OSBPL10: variants seen among roughly 807,000 people sequenced by gnomAD.
The protein encoded by OSBPL10 is oxysterol-binding protein-related protein 10.
A neutral mutation model predicts 81.7 loss-of-function variants in OSBPL10; 49 were observed. The ratio of observed to expected loss-of-function variants is 0.60; its 90% CI spans 0.48 to 0.76. OSBPL10 has a LOEUF of 0.76. Ranked by LOEUF, OSBPL10 falls within the 30% of genes least tolerant of loss-of-function variation. The pLI, the probability that OSBPL10 is intolerant of heterozygous loss-of-function variation, is 0.00. For missense variants in OSBPL10, 923 were observed against 987.8 expected (o/e 0.93, Z 0.88); for synonymous variants, 419 against 383.6 (o/e 1.09, Z -1.08).
At chr3:31,675,883 T>G (rs981954989) in intron 8 of OSBPL10, among the ~76,000 whole-genome samples, 1 of 149,568 alleles carries the variant, frequency 6.7e-6, no homozygotes, top group African/African-American at 2.5e-5. Flanking sequence ...GAGGCGGAGC[T>G]TGCAGTGAGC....
chr3:31,962,594 T>C (rs551389335), intron 1 of OSBPL10, among the ~76,000 whole-genome samples: 33 of 152,200 alleles, frequency 2.2e-4, no homozygotes, highest in African/African-American at 7.7e-4. Flanking sequence ...GTGCCATAAA[T>C]ACTCTGCCTG....
In OSBPL10 at chr3:31,980,685, G is replaced by C. The variant is rs562945133; in HGVS notation, c.281+214C>G. On this transcript the variant is annotated intron_variant, in intron 1 of 11. Transcript: ENST00000396556. ...GCCTCCCTCCCCGCCACTGCGGTGC[G>C]GTCCCGGGGTGGAGCCACGGCGCGC... Among the ~76,000 whole-genome samples the C allele has an allele frequency of 3.9e-4, 60 of 152,304 alleles. 2 individuals are homozygous for C. The highest frequency in any genetic ancestry group is 1.4e-3 in the African/African-American group (58 of 41,580).
chr3:31,973,439 G>C (rs1335570752), intron 1 of OSBPL10, among the ~76,000 whole-genome samples: 1 of 152,184 alleles, frequency 6.6e-6, no homozygotes, highest in Non-Finnish European at 1.5e-5. Flanking sequence ...TTCTGCTGAG[G>C]ACCTACTGTG....
rs60893746 is a variant in OSBPL10 at position 31,838,508 on chromosome 3, C to CAA, written c.538-8279_538-8278dup. Among the ~76,000 whole-genome samples the CAA allele has an allele frequency of 3.0e-4, 29 of 95,706 alleles. 1 individual carries two copies. Among genetic ancestry groups the CAA allele is most frequent in the Non-Finnish European group, 4.0e-4 (20 of 49,812 alleles). 62.8% of individuals were successfully genotyped at this position (95,706 alleles called of 152,430 possible). A position where few individuals can be genotyped will look rare whatever the true frequency, so the allele number is the denominator to read the frequency against. On this transcript the variant is annotated intron_variant, in intron 3 of 11. Coordinates refer to ENST00000396556, the MANE Select transcript of OSBPL10 (RefSeq NM_017784.5). ...CCTGGGCGACAGAGCAAGACTCTGTCAAAAAAAAAAAAAAAAAAAAAAAAA... is the reference window on the plus strand; with the variant it reads ...CCTGGGCGACAGAGCAAGACTCTGTCAAAAAAAAAAAAAAAAAAAAAAAAAAA...
chr3:32,026,069 A>AGATAGAT (rs1553649798), intron 2 of OSBPL10, among the ~76,000 whole-genome samples: 17 of 101,376 alleles, frequency 1.7e-4, no homozygotes, highest in African/African-American at 5.1e-4. Flanking sequence ...ATAGATAGAT[A>AGATAGAT]GATAGATAGA....
At chr3:31,831,714 G>A (rs1700246102) in intron 3 of OSBPL10, among the ~76,000 whole-genome samples, 1 of 152,070 alleles carries the variant, frequency 6.6e-6, no homozygotes, top group Admixed American at 6.5e-5. Flanking sequence ...CATCAGATTG[G>A]CAAAAATTCA....
At chr3:31,752,029 G>A (rs1697739336) in intron 4 of OSBPL10, among the ~76,000 whole-genome samples, 1 of 152,064 alleles carries the variant, frequency 6.6e-6, no homozygotes, top group South Asian at 2.1e-4. Flanking sequence ...TTAATTAAGG[G>A]CACATGTGAG....
In OSBPL10 at chr3:31,902,287, G is replaced by A. The variant is rs1175292994; in HGVS notation, c.282-22457C>T. The stretch of plus-strand genomic sequence containing the variant: ...TTTTTTTTTTTTTTTTTTGGAGACG[G>A]AGTCCCACTCTGTCGCCCAGGCTGA... On this transcript the variant is annotated intron_variant, in intron 1 of 11. Coordinates refer to ENST00000396556, the MANE Select transcript of OSBPL10 (RefSeq NM_017784.5). Among the ~76,000 whole-genome samples, 3 of 141,664 alleles carry A rather than the reference G, an allele frequency of 2.1e-5. No homozygotes were observed. The Admixed American group carries it at 2.2e-4, about 10-fold the overall frequency. The allele number at this position is 141,664 out of a possible 152,430, so 92.9% of individuals were successfully genotyped here. A position where few individuals can be genotyped will look rare whatever the true frequency, so the allele number is the denominator to read the frequency against.
chr3:31,881,409 C>T (rs1408020893), intron 1 of OSBPL10, among the ~76,000 whole-genome samples: 13 of 152,156 alleles, frequency 8.5e-5, no homozygotes, highest in African/African-American at 2.2e-4. Flanking sequence ...GGATACATGG[C>T]GAGACTCAAC....
intron 4 of OSBPL10, among the ~76,000 whole-genome samples, chr3:31,779,762 C>T (rs2125766638): frequency 6.6e-6 from 1 of 152,268 alleles, no homozygotes. Context: ...TTCTTTTCAT[C>T]AGCACTTGGA....
intron 1 of OSBPL10, among the ~76,000 whole-genome samples, chr3:31,966,311 G>A (rs900609900): frequency 4.6e-5 from 7 of 151,246 alleles, no homozygotes; most frequent in Admixed American, 3.3e-4. Context: ...TGCAACTAAA[G>A]CAATGGTTAG....
chr3:31,752,574 C>T (rs1697753483), intron 4 of OSBPL10, among the ~76,000 whole-genome samples: 1 of 152,110 alleles, frequency 6.6e-6, no homozygotes, highest in Non-Finnish European at 1.5e-5. Context: ...AAAATCAAAT[C>T]ATAGGAGTTA....
upstream of OSBPL10, among the ~76,000 whole-genome samples, chr3:31,985,728 G>A (rs1035777934): frequency 1.3e-5 from 2 of 152,202 alleles, no homozygotes; most frequent in Non-Finnish European, 2.9e-5. Flanking sequence ...TCATGTCTGT[G>A]TTAGAAACAT....
intron 5 of OSBPL10, among the ~76,000 whole-genome samples, chr3:31,743,563 C>T (rs1697425094): frequency 6.6e-6 from 1 of 152,028 alleles, no homozygotes; most frequent in African/African-American, 2.4e-5. Context: ...GAGACAAAGG[C>T]TCCAAAGCAA....
chr3:31,848,393 A>T (rs1407554851), intron 3 of OSBPL10, among the ~76,000 whole-genome samples: 1 of 151,866 alleles, frequency 6.6e-6, no homozygotes, highest in African/African-American at 2.4e-5. Flanking sequence ...GTCACGGTGG[A>T]AAATGTTTTG....
intron 2 of OSBPL10, among the ~76,000 whole-genome samples, chr3:32,009,369 G>T (rs1699232135): frequency 6.6e-6 from 1 of 152,204 alleles, no homozygotes. Flanking sequence ...TCACGCATGA[G>T]TCTTCAAATC....
At chr3:31,954,995 C>T (rs1263644680) in intron 1 of OSBPL10, among the ~76,000 whole-genome samples, 1 of 152,162 alleles carries the variant, frequency 6.6e-6, no homozygotes, top group African/African-American at 2.4e-5. Flanking sequence ...ATTCTTTCAA[C>T]ATTTCTGTAT....
chr3:31,687,613 C>CA, intron 7 of OSBPL10, among the ~76,000 whole-genome samples: 1 of 152,264 alleles, frequency 6.6e-6, no homozygotes, highest in Middle Eastern at 3.4e-3. Context: ...ACCCAGTGGC[C>CA]GAGCCAGCAG....
intron 4 of OSBPL10, among the ~76,000 whole-genome samples, chr3:31,779,911 A>G (rs1698643188): frequency 6.6e-6 from 1 of 152,248 alleles, no homozygotes; most frequent in Non-Finnish European, 1.5e-5. Flanking sequence ...TCAAGAATAT[A>G]CAAATACATA....
Sources: gnomAD v4.1 joint callset for allele counts (sites outside exome capture counted in the v4.1 genomes callset) on GRCh38, gnomAD v4.1.1 for gene constraint, MANE v1.5 for transcripts, NCBI Gene and HGNC (gene_info 2026-07-23, HGNC 2026-07-21) for gene names.